Variants in GDAP2 observed in about 807,000 individuals in gnomAD.
The protein encoded by GDAP2 is ganglioside induced differentiation associated protein 2.
GDAP2 carries 51 observed loss-of-function variants against 67.0 expected under a neutral mutation model. The observed-to-expected ratio is 0.76, with a 90% CI of 0.61 to 0.96. The LOEUF (loss-of-function observed/expected upper bound fraction) is 0.96. Ranked by LOEUF, GDAP2 falls within the 40% of genes least tolerant of loss-of-function variation. GDAP2 has a pLI of 0.00. For missense variants in GDAP2, 547 were observed against 588.3 expected (o/e 0.93, Z 0.73); for synonymous variants, 203 against 207.3 (o/e 0.98, Z 0.18).
chr1:117,879,228 T>C (rs1465558606), intron 12 of GDAP2, among the ~76,000 whole-genome samples: 1 of 152,132 alleles, frequency 6.6e-6, no homozygotes, highest in Non-Finnish European at 1.5e-5. Flanking sequence ...ACTGATGCAA[T>C]GTGCTAGGAG....
At position 117,918,806 on chromosome 1, in the gene GDAP2, C is replaced by A. The variant is rs897250783; in HGVS notation, c.177-70G>T. On this transcript the variant is annotated intron_variant, in intron 2 of 13. Coordinates refer to ENST00000369443, the MANE Select transcript of GDAP2 (RefSeq NM_017686.4). ...AAAGAAACCTAGTTTCTAATTATTTCAAAACATTTTATCCTTGTCTTTTTC... is the reference window on the plus strand; with the variant it reads ...AAAGAAACCTAGTTTCTAATTATTTAAAAACATTTTATCCTTGTCTTTTTC... 3 of 1,227,160 alleles carry A rather than the reference C, an allele frequency of 2.4e-6. No individual in the cohort carries two copies. The African/African-American group carries it at 4.6e-5, about 19-fold the overall frequency. The allele number at this position is 1,227,160 out of a possible 1,614,324, so 76.0% of individuals were successfully genotyped here.
intron 8 of GDAP2, among the ~76,000 whole-genome samples, chr1:117,893,872 C>T (rs1649169937): frequency 6.6e-6 from 1 of 151,992 alleles, no homozygotes; most frequent in African/African-American, 2.4e-5. Context: ...TACCAGTTCT[C>T]ATTAGAAATA....
At chr1:117,906,268 C>T (rs1159701285) in intron 6 of GDAP2, among the ~76,000 whole-genome samples, 2 of 152,130 alleles carry the variant, frequency 1.3e-5, no homozygotes, top group African/African-American at 2.4e-5. Flanking sequence ...CCACTTTGTA[C>T]GATTTCACTT....
chr1:117,881,621 C>T (rs961708716), intron 12 of GDAP2, among the ~76,000 whole-genome samples: 4 of 152,126 alleles, frequency 2.6e-5, no homozygotes, highest in Non-Finnish European at 5.9e-5. Flanking sequence ...GATGGGCTAA[C>T]GGCTTATAAG....
Position 117,879,329 on chromosome 1 carries a change from A to ATT in GDAP2, c.1303-1178_1303-1177insAA, listed in dbSNP as rs1648572278. On this transcript the variant is annotated intron_variant, in intron 12 of 13. Coordinates refer to ENST00000369443, the MANE Select transcript of GDAP2 (RefSeq NM_017686.4). ...AGTCCCATTTGCTAACACAGAAAACACAAATAGCAGTTCAGGAATAGGTGG... is the reference window on the plus strand; with the variant it reads ...AGTCCCATTTGCTAACACAGAAAACATTCAAATAGCAGTTCAGGAATAGGTGG... Among the ~76,000 whole-genome samples the ATT allele has an allele frequency of 3.9e-5, 6 of 152,298 alleles. No individual in the cohort carries two copies. In the South Asian group the frequency reaches 1.2e-3, roughly 32 times the overall value.
intron 5 of GDAP2, among the ~76,000 whole-genome samples, chr1:117,906,959 C>T (rs1411397680): frequency 6.6e-6 from 1 of 152,130 alleles, no homozygotes; most frequent in Non-Finnish European, 1.5e-5. Flanking sequence ...CTCTTTTATC[C>T]AGTATATTCT....
At chr1:117,919,924 G>GA (rs1327468436) in intron 2 of GDAP2, among the ~76,000 whole-genome samples, 4 of 150,974 alleles carry the variant, frequency 2.6e-5, no homozygotes, top group Non-Finnish European at 4.4e-5. Flanking sequence ...CAAAGGAACA[G>GA]AAAAAAAAAC....
chr1:117,876,458 T>C (rs1444457903), intron 13 of GDAP2, among the ~76,000 whole-genome samples: 1 of 152,176 alleles, frequency 6.6e-6, no homozygotes, highest in Non-Finnish European at 1.5e-5. Context: ...CCTCAGGTAT[T>C]CCCTTACAGC....
At chr1:117,876,262 T>C (rs973769001) in intron 13 of GDAP2, among the ~76,000 whole-genome samples, 2 of 152,050 alleles carry the variant, frequency 1.3e-5, no homozygotes, top group Non-Finnish European at 2.9e-5. Flanking sequence ...AAAAAGAGCC[T>C]GGCACCTCCC....
chr1:117,870,563 GGC>G lies in GDAP2; in HGVS notation c.*4_*5del. On this transcript the variant is annotated 3_prime_UTR_variant, in exon 14 of 14. Coordinates refer to ENST00000369443, the MANE Select transcript of GDAP2 (RefSeq NM_017686.4). ...TGGGAACCAAGAAGCACTGAAAGAT[GGC>G]AGGTCACAAATCTGGTGATGGGGGA... The G allele has an allele frequency of 3.2e-6, 5 of 1,583,110 alleles. No homozygotes were observed. The highest frequency in any genetic ancestry group is 4.3e-6 in the Non-Finnish European group (5 of 1,151,998).
rs1352788372 is a variant in GDAP2, at chr1:117,929,551, G to A, written c.-171C>T. ...GCGACCCTCAGCAGGAGCGCGCCGA[G>A]TACGGCGAGTCAAAGTCCCAGGAGA... On this transcript the variant is annotated 5_prime_UTR_variant, in exon 1 of 14. Coordinates refer to ENST00000369443, the MANE Select transcript of GDAP2 (RefSeq NM_017686.4). 6.6e-6 allele frequency: 1 copy of A among 152,468 alleles called. No homozygotes were observed. Among genetic ancestry groups the A allele is most frequent in the Non-Finnish European group, 1.5e-5 (1 of 68,236 alleles). 9.4% of individuals were successfully genotyped at this position (152,468 alleles called of 1,614,324 possible). A position where few individuals can be genotyped will look rare whatever the true frequency, so the allele number is the denominator to read the frequency against.
At position 117,915,648 on chromosome 1, in the gene GDAP2, T is replaced by C. The variant is rs913522379; in HGVS notation, c.316+2949A>G. ...TGGTATCAAAAGATATAAGAATGTA[T>C]GTATACATCCACACCCACATACAGG... On this transcript the variant is annotated intron_variant, in intron 3 of 13. Transcript: ENST00000369443. Among the ~76,000 whole-genome samples, 6 of 152,338 alleles carry C rather than the reference T, an allele frequency of 3.9e-5. No homozygotes were observed. In the East Asian group the frequency reaches 7.7e-4, roughly 20 times the overall value.
At chr1:117,876,257 G>A (rs1424541146) in intron 13 of GDAP2, among the ~76,000 whole-genome samples, 4 of 152,026 alleles carry the variant, frequency 2.6e-5, no homozygotes, top group Non-Finnish European at 4.4e-5. Flanking sequence ...TTGTTAAAAA[G>A]AGCCTGGCAC....
intron 8 of GDAP2, among the ~76,000 whole-genome samples, chr1:117,892,890 T>G (rs1557800206): frequency 6.6e-6 from 1 of 152,158 alleles, no homozygotes; most frequent in South Asian, 2.1e-4. Flanking sequence ...TTCCCAGACC[T>G]TATACAATTG....
At chr1:117,884,672 C>G (rs1018022696) in intron 10 of GDAP2, among the ~76,000 whole-genome samples, 3 of 151,988 alleles carry the variant, frequency 2.0e-5, no homozygotes, top group Non-Finnish European at 4.4e-5. Flanking sequence ...AAGTACACAC[C>G]AAAATCAAAT....
rs146393941 is a variant in GDAP2, at chr1:117,867,463, A to C, written c.*3106T>G. The C allele has an allele frequency of 0.014, 2,046 of 150,862 alleles. 37 individuals are homozygous for C. Among genetic ancestry groups the C allele is most frequent in the South Asian group, 0.096 (449 of 4,700 alleles). 9.3% of individuals were successfully genotyped at this position (150,862 alleles called of 1,614,324 possible). A position where few individuals can be genotyped will look rare whatever the true frequency, so the allele number is the denominator to read the frequency against. ...CAACACTTTGGGAGGCCGAGGCAGGAAGATCACTTGAGGTCAGGAGTTTGA... is the reference window on the plus strand; with the variant it reads ...CAACACTTTGGGAGGCCGAGGCAGGCAGATCACTTGAGGTCAGGAGTTTGA... On this transcript the variant is annotated 3_prime_UTR_variant, in exon 14 of 14. Transcript: ENST00000369443.
At chr1:117,926,598 C>A (rs1167686708) in intron 1 of GDAP2, among the ~76,000 whole-genome samples, 1 of 152,164 alleles carries the variant, frequency 6.6e-6, no homozygotes, top group African/African-American at 2.4e-5. Context: ...TCTCCTTCCC[C>A]TAAACACATA....
intron 13 of GDAP2, among the ~76,000 whole-genome samples, chr1:117,871,085 G>T (rs1414856830): frequency 3.3e-5 from 5 of 152,172 alleles, no homozygotes. Flanking sequence ...CTTACTGTGT[G>T]CCAAATCTTA....
intron 8 of GDAP2, among the ~76,000 whole-genome samples, chr1:117,892,273 T>A (rs1302281435): frequency 1.3e-5 from 2 of 152,190 alleles, no homozygotes; most frequent in African/African-American, 2.4e-5. Flanking sequence ...AGACTGTTAC[T>A]CTTCTCACTC....
Sources: allele counts gnomAD v4.1 joint callset (sites outside exome capture counted in the v4.1 genomes callset), GRCh38; gene constraint gnomAD v4.1.1; transcripts MANE v1.5; gene names NCBI Gene and HGNC (gene_info 2026-07-23, HGNC 2026-07-21).